The following KATNBL1 variants were observed in gnomAD, a reference collection of about 807,000 sequenced individuals.
KATNBL1 encodes katanin regulatory subunit B1 like 1, also known as KATNB1-like protein 1.
A neutral mutation model predicts 44.7 loss-of-function variants in KATNBL1; 28 were observed. The observed-to-expected ratio is 0.63, with a 90% CI of 0.46 to 0.86. KATNBL1 has a LOEUF of 0.86. KATNBL1 is among the 40% of genes least tolerant of loss of function. The pLI is 0.00. For missense variants in KATNBL1, 272 were observed against 350.7 expected, an observed-to-expected ratio of 0.78 and a Z score of 1.79; for synonymous variants, 78 against 114.9, an observed-to-expected ratio of 0.68 and a Z score of 2.06.
intron 1 of KATNBL1, among the ~76,000 whole-genome samples, chr15:34,164,768 T>C (rs1888914763): frequency 6.6e-6 from 1 of 152,246 alleles, no homozygotes; most frequent in African/African-American, 2.4e-5. Context: ...CTGGCGTTAA[T>C]GTAGATGGTG....
intron 2 of KATNBL1, among the ~76,000 whole-genome samples, chr15:34,159,684 G>C (rs1437440035): frequency 1.3e-5 from 2 of 152,086 alleles, no homozygotes; most frequent in Non-Finnish European, 2.9e-5. Context: ...TGTGTTCTTT[G>C]TCTGTGGTGG....
At chr15:34,180,511 G>A (rs140045667) in intron 1 of KATNBL1, among the ~76,000 whole-genome samples, 3 of 151,958 alleles carry the variant, frequency 2.0e-5, no homozygotes, top group African/African-American at 7.3e-5. Context: ...TCTCTCTACT[G>A]AAATTGAAGA....
chr15:34,185,002 G>A (rs117587510), intron 1 of KATNBL1, among the ~76,000 whole-genome samples: 9,521 of 152,028 alleles, frequency 0.063, 363 homozygotes, highest in Middle Eastern at 0.11. Flanking sequence ...ACAGGGTCTC[G>A]CTCTGTGCCT....
chr15:34,200,882 T>A (rs1890162275), intron 1 of KATNBL1, among the ~76,000 whole-genome samples: 1 of 151,944 alleles, frequency 6.6e-6, no homozygotes, highest in South Asian at 2.1e-4. Flanking sequence ...AGTGGCGCCA[T>A]CTCAGCTCAC....
intron 1 of KATNBL1, among the ~76,000 whole-genome samples, chr15:34,196,629 G>C (rs554213652): frequency 6.6e-6 from 1 of 152,102 alleles, no homozygotes; most frequent in Non-Finnish European, 1.5e-5. Flanking sequence ...TCGGGAGGCT[G>C]ATGCAGGAGA....
chr15:34,162,737 G>A (rs1458602606), intron 2 of KATNBL1, among the ~76,000 whole-genome samples: 3 of 152,048 alleles, frequency 2.0e-5, no homozygotes, highest in East Asian at 1.9e-4. Context: ...AGCCTCCCCA[G>A]TAGCTAGGAC....
rs1269774849 is a variant in KATNBL1 at position 34,147,184 on chromosome 15, T to G, written c.698+16A>C. ...CTGAAAAAGAAAAATGAATCAAGAT[T>G]CAGATTAGCACTTACTCTTCAAATT... is the stretch of plus-strand genomic sequence containing the variant. On this transcript the variant is annotated intron_variant, in intron 7 of 9. Transcript: ENST00000256544. 6.8e-7 allele frequency: 1 copy of G among 1,481,120 alleles called. No individual in the cohort carries two copies. Among genetic ancestry groups the G allele is most frequent in the Non-Finnish European group, 9.4e-7 (1 of 1,063,288 alleles). The allele number at this position is 1,481,120 out of a possible 1,614,324, so 91.7% of individuals were successfully genotyped here.
rs1888875130 is a variant in KATNBL1, at chr15:34,163,607, G to C, written c.70C>G (p.Leu24Val). The C allele has an allele frequency of 6.3e-7, 1 of 1,598,300 alleles. No homozygotes were observed. The highest frequency in any genetic ancestry group is 8.5e-7 in the Non-Finnish European group (1 of 1,175,878). Residue 24 changes from leucine (L) to valine (V), a missense_variant, in exon 2 of 10, where the codon CTT becomes GTT. Transcript: ENST00000256544. ...CNKIEDHFID[L>V]PRKKISNFTN... Reference sequence around the variant, plus strand: ...AAATTAGAGATCTTTTTTCTAGGAAGATCAATGAAATGATCCTCAATCTTA... The same window carrying C: ...AAATTAGAGATCTTTTTTCTAGGAACATCAATGAAATGATCCTCAATCTTA...
At chr15:34,207,771 T>C (rs1046898960) in intron 1 of KATNBL1, among the ~76,000 whole-genome samples, 1 of 152,190 alleles carries the variant, frequency 6.6e-6, no homozygotes, top group African/African-American at 2.4e-5. Context: ...TGGCAAAATA[T>C]TTTAAATTTT....
At chr15:34,179,861 A>G (rs545491211) in intron 1 of KATNBL1, among the ~76,000 whole-genome samples, 1 of 152,378 alleles carries the variant, frequency 6.6e-6, no homozygotes, top group East Asian at 1.9e-4. Context: ...GAAGAAATAA[A>G]TATTTTAACT....
intron 2 of KATNBL1, among the ~76,000 whole-genome samples, chr15:34,160,816 C>A (rs1265347954): frequency 2.0e-5 from 3 of 152,056 alleles, no homozygotes; most frequent in Non-Finnish European, 2.9e-5. Context: ...TGGGGTGAGG[C>A]TCAATTTCCC....
chr15:34,147,310 T>C, intron 6 of KATNBL1, 21 bp from the exon 7 acceptor site: 28 of 1,596,674 alleles, frequency 1.8e-5, no homozygotes, highest in Non-Finnish European at 2.3e-5. Flanking sequence ...TACCAAGTTA[T>C]AAAAATATGG....
chr15:34,196,328 G>A (rs1890027838), intron 1 of KATNBL1, among the ~76,000 whole-genome samples: 1 of 152,222 alleles, frequency 6.6e-6, no homozygotes, highest in African/African-American at 2.4e-5. Context: ...TGAGGCAGGA[G>A]AATCGCGTGA....
chr15:34,168,165 C>T lies in KATNBL1; in HGVS notation c.-14-4475G>A, dbSNP rs374648966. Among the ~76,000 whole-genome samples the T allele has an allele frequency of 5.3e-5, 8 of 152,124 alleles. No homozygotes were observed. The South Asian group carries it at 1.0e-3, about 20-fold the overall frequency. Reference sequence around the variant, plus strand: ...TGGCAAATTGGATAAAGAGTCAAGACCTATCGGTGTGCTGTATTCAGGAGA... The same window carrying T: ...TGGCAAATTGGATAAAGAGTCAAGATCTATCGGTGTGCTGTATTCAGGAGA... On this transcript the variant is annotated intron_variant, in intron 1 of 9. Coordinates refer to ENST00000256544, the MANE Select transcript of KATNBL1 (RefSeq NM_024713.3).
chr15:34,174,825 C>G (rs1033629211), intron 1 of KATNBL1, among the ~76,000 whole-genome samples: 1 of 151,912 alleles, frequency 6.6e-6, no homozygotes, highest in African/African-American at 2.4e-5. Context: ...TATTTTTAGT[C>G]GAGATGGGGT....
At chr15:34,180,031 G>C (rs1172487026) in intron 1 of KATNBL1, among the ~76,000 whole-genome samples, 1 of 152,102 alleles carries the variant, frequency 6.6e-6, no homozygotes, top group Non-Finnish European at 1.5e-5. Context: ...AATTTTCTCA[G>C]TTCTTGCTTT....
chr15:34,180,932 C>G (rs1013230003), intron 1 of KATNBL1, among the ~76,000 whole-genome samples: 1 of 151,992 alleles, frequency 6.6e-6, no homozygotes, highest in Non-Finnish European at 1.5e-5. Context: ...AAACAAAAAA[C>G]CTTCCTTCAA....
rs185547393 is a variant in KATNBL1 at position 34,169,577 on chromosome 15, T to G, written c.-14-5887A>C. Reference sequence around the variant, plus strand: ...CAATAGAAAAAGAGGGAATCCTCCCTAACTCATTTTATGAGGCCAGCATCA... The same window carrying G: ...CAATAGAAAAAGAGGGAATCCTCCCGAACTCATTTTATGAGGCCAGCATCA... On this transcript the variant is annotated intron_variant, in intron 1 of 9. Transcript: ENST00000256544. Among the ~76,000 whole-genome samples, 450 of 152,334 alleles carry G rather than the reference T, an allele frequency of 3.0e-3. 2 individuals carry two copies. Among genetic ancestry groups the G allele is most frequent in the Middle Eastern group, 0.01 (3 of 294 alleles).
In KATNBL1 at chr15:34,170,708, G is replaced by T. The variant is rs112711554; in HGVS notation, c.-14-7018C>A. On this transcript the variant is annotated intron_variant, in intron 1 of 9. Transcript: ENST00000256544. The stretch of plus-strand genomic sequence containing the variant: ...AACTATACTACAAGGCTACAGTAAC[G>T]AAAACAGCATGGTACTGGTACCAAA... Among the ~76,000 whole-genome samples, 9 of 152,058 alleles carry T rather than the reference G, an allele frequency of 5.9e-5. 1 individual carries two copies. The highest frequency in any genetic ancestry group is 2.2e-4 in the African/African-American group (9 of 41,500).
Sources: gnomAD v4.1 joint callset for allele counts (sites outside exome capture counted in the v4.1 genomes callset) on GRCh38, gnomAD v4.1.1 for gene constraint, MANE v1.5 for transcripts, NCBI Gene and HGNC (gene_info 2026-07-23, HGNC 2026-07-21) for gene names.